The following NRXN3 variants were observed in gnomAD, a reference collection of about 807,000 sequenced individuals.
The protein encoded by NRXN3 is neurexin III.
In NRXN3, 32 loss-of-function variants were observed where a neutral mutation model predicts 137.6. The observed-to-expected ratio is 0.23, with a 90% CI of 0.18 to 0.31. The LOEUF (loss-of-function observed/expected upper bound fraction) is 0.31, where lower values mean the gene tolerates loss of function less well. NRXN3 is among the 10% of genes least tolerant of loss of function. The pLI, the probability that NRXN3 is intolerant of heterozygous loss-of-function variation, is 1.00. For missense variants in NRXN3, 1,574 were observed against 2,062.5 expected, an observed-to-expected ratio of 0.76 and a Z score of 4.59; for synonymous variants, 798 against 784.5, an observed-to-expected ratio of 1.02 and a Z score of -0.29.
intron 16 of NRXN3, among the ~76,000 whole-genome samples, chr14:79,530,304 C>T (rs1456642308): frequency 6.6e-6 from 1 of 152,006 alleles, no homozygotes; most frequent in Non-Finnish European, 1.5e-5. Flanking sequence ...CAACAAAAAG[C>T]AAAGCAAAAT....
At chr14:79,840,964 C>G (rs907772370) in intron 20 of NRXN3, among the ~76,000 whole-genome samples, 13 of 152,126 alleles carry the variant, frequency 8.5e-5, no homozygotes, top group Non-Finnish European at 1.8e-4. Flanking sequence ...TTTGGAATGA[C>G]TGGAAAATTT....
At chr14:79,688,477 A>T (rs1443272009) in intron 17 of NRXN3, among the ~76,000 whole-genome samples, 1 of 152,172 alleles carries the variant, frequency 6.6e-6, no homozygotes, top group Non-Finnish European at 1.5e-5. Context: ...TCCATGTTAT[A>T]CAAGAGTTCT....
chr14:79,608,283 T>G (rs993526863), intron 16 of NRXN3, among the ~76,000 whole-genome samples: 1 of 152,060 alleles, frequency 6.6e-6, no homozygotes, highest in African/African-American at 2.4e-5. Flanking sequence ...GGCCTTAGGG[T>G]AAGCTTATGA....
chr14:78,454,299 T>TAA lies in NRXN3; in HGVS notation c.757+156449_757+156450dup, dbSNP rs113325277. ...CATACTCTAGCTTCTCCTGATAACT[T>TAA]AAAAAAAAAAACCTATGTCCAAGCC... On this transcript the variant is annotated intron_variant, in intron 4 of 20. Transcript: ENST00000335750. Among the ~76,000 whole-genome samples, 25 of 147,564 alleles carry TAA rather than the reference T, an allele frequency of 1.7e-4. 1 individual carries two copies. The highest frequency in any genetic ancestry group is 5.7e-4 in the African/African-American group (23 of 40,590).
intron 2 of NRXN3, among the ~76,000 whole-genome samples, chr14:78,249,930 C>T (rs959603323): frequency 1.3e-5 from 2 of 152,120 alleles, no homozygotes; most frequent in African/African-American, 4.8e-5. Context: ...TTGTATGGCT[C>T]TGGAGAAGGT....
intron 4 of NRXN3, among the ~76,000 whole-genome samples, chr14:78,481,884 T>C (rs906961727): frequency 1.6e-4 from 25 of 152,282 alleles, no homozygotes; most frequent in African/African-American, 6.0e-4. Flanking sequence ...AGGAAATATT[T>C]ATTTCTTGAA....
intron 4 of NRXN3, among the ~76,000 whole-genome samples, chr14:78,321,948 T>C (rs1777080886): frequency 6.6e-6 from 1 of 151,994 alleles, no homozygotes. Context: ...TCTGAAAGCA[T>C]ACAGGGCGGG....
At chr14:79,422,104 G>C (rs553816142) in intron 15 of NRXN3, among the ~76,000 whole-genome samples, 1 of 152,308 alleles carries the variant, frequency 6.6e-6, no homozygotes, top group Non-Finnish European at 1.5e-5. Context: ...TTGTCACCCA[G>C]GCTGGAATGC....
intron 15 of NRXN3, among the ~76,000 whole-genome samples, chr14:79,142,930 C>T (rs1596432929): frequency 6.6e-6 from 1 of 152,200 alleles, no homozygotes; most frequent in African/African-American, 2.4e-5. Context: ...GGGTTGATAA[C>T]TGTAGCCATA....
intron 19 of NRXN3, among the ~76,000 whole-genome samples, chr14:79,763,362 T>A (rs937647052): frequency 1.3e-5 from 1 of 75,122 alleles, no homozygotes; most frequent in African/African-American, 4.1e-5. Flanking sequence ...GCAGAATGAT[T>A]TATACATACG....
At chr14:78,641,951 A>G (rs2097638880) in intron 4 of NRXN3, among the ~76,000 whole-genome samples, 1 of 152,202 alleles carries the variant, frequency 6.6e-6, no homozygotes, top group South Asian at 2.1e-4. Flanking sequence ...CTCCCACATA[A>G]AAGAAGTGTT....
chr14:79,794,845 A>G (rs2099156323), intron 19 of NRXN3, among the ~76,000 whole-genome samples: 1 of 152,242 alleles, frequency 6.6e-6, no homozygotes. Context: ...CAGGAACACT[A>G]TATGAGGATG....
At chr14:79,269,151 G>A (rs535796683) in intron 15 of NRXN3, among the ~76,000 whole-genome samples, 22 of 152,198 alleles carry the variant, frequency 1.4e-4, no homozygotes, top group Non-Finnish European at 3.1e-4. Flanking sequence ...CCGGGTTCAC[G>A]CCATTCTCCT....
chr14:78,437,813 G>C (rs897486271), intron 4 of NRXN3, among the ~76,000 whole-genome samples: 5 of 152,118 alleles, frequency 3.3e-5, no homozygotes, highest in African/African-American at 1.2e-4. Context: ...AAATTTCCCA[G>C]GTGATTTTTC....
At chr14:78,929,928 G>A (rs1473462605) in intron 10 of NRXN3, among the ~76,000 whole-genome samples, 2 of 152,118 alleles carry the variant, frequency 1.3e-5, no homozygotes, top group African/African-American at 4.8e-5. Context: ...TTTTTGTGAA[G>A]CTTAGCTGAA....
chr14:79,765,042 A>G (rs918988860), intron 19 of NRXN3, among the ~76,000 whole-genome samples: 1 of 152,188 alleles, frequency 6.6e-6, no homozygotes, highest in Non-Finnish European at 1.5e-5. Context: ...ATAGACATCC[A>G]TGCACATTCA....
chr14:79,269,206 C>T (rs192780175), intron 15 of NRXN3, among the ~76,000 whole-genome samples: 23 of 152,232 alleles, frequency 1.5e-4, no homozygotes, highest in African/African-American at 2.9e-4. Flanking sequence ...CCCGCCACCA[C>T]GCCCGGCTAA....
At chr14:78,219,560 A>G (rs2063623982) in intron 1 of NRXN3, among the ~76,000 whole-genome samples, 1 of 152,202 alleles carries the variant, frequency 6.6e-6, no homozygotes, top group African/African-American at 2.4e-5. Context: ...TGAACAAGTT[A>G]CTTAGACTCG....
At chr14:79,731,867 G>A (rs1040074554) in intron 19 of NRXN3, among the ~76,000 whole-genome samples, 2 of 149,616 alleles carry the variant, frequency 1.3e-5, no homozygotes, top group African/African-American at 4.9e-5. Flanking sequence ...AGCCACCTCA[G>A]TTACCTTGAC....
Sources: gnomAD v4.1 joint callset for allele counts (sites outside exome capture counted in the v4.1 genomes callset) on GRCh38, gnomAD v4.1.1 for gene constraint, MANE v1.5 for transcripts, NCBI Gene and HGNC (gene_info 2026-07-23, HGNC 2026-07-21) for gene names.